The following MTMR2 variants were observed in gnomAD, a reference collection of about 807,000 sequenced individuals.
The protein encoded by MTMR2 is phosphatidylinositol-3,5-bisphosphate 3-phosphatase MTMR2.
Under a neutral mutation model 86.9 loss-of-function variants are expected in MTMR2, and 55 were observed. The observed-to-expected ratio is 0.63, with a 90% CI of 0.51 to 0.79. MTMR2 has a LOEUF of 0.79. Among genes scored for constraint, MTMR2 ranks in the 30% least tolerant of loss-of-function variants. The pLI, the probability that MTMR2 is intolerant of heterozygous loss-of-function variation, is 0.00. For synonymous variants in MTMR2, 241 were observed against 266.8 expected (o/e 0.90, Z 0.94); for missense variants, 659 against 772.3 (o/e 0.85, Z 1.74).
intron 13 of MTMR2, 41 bp downstream of exon 13, chr11:95,838,053 C>T (rs1863362505): frequency 8.4e-7 from 1 of 1,190,884 alleles, no homozygotes; most frequent in Non-Finnish European, 1.3e-6. Flanking sequence ...GAAAAGTATA[C>T]AGTAGAGATA....
At chr11:95,837,610 TAC>T (rs1863340736) in intron 13 of MTMR2, among the ~76,000 whole-genome samples, 1 of 152,050 alleles carries the variant, frequency 6.6e-6, no homozygotes, top group Non-Finnish European at 1.5e-5. Flanking sequence ...ACTTTCTACA[TAC>T]TATCTTTTCC....
intron 11 of MTMR2, among the ~76,000 whole-genome samples, chr11:95,844,169 GCTGA>G (rs1863669632): frequency 2.0e-5 from 3 of 152,136 alleles, no homozygotes; most frequent in South Asian, 2.1e-4. Context: ...TGCAGCTTTG[GCTGA>G]CTAAAACTTG....
rs1864083070 is a variant in MTMR2 at position 95,853,071 on chromosome 11, G to A, written c.655-2322C>T. 2.0e-5 allele frequency among the ~76,000 whole-genome samples: 3 copies of A among 148,578 alleles called. 1 individual carries two copies. The highest frequency in any genetic ancestry group is 7.4e-5 in the African/African-American group (3 of 40,636). On this transcript the variant is annotated intron_variant, in intron 7 of 14. Coordinates refer to ENST00000346299, the MANE Select transcript of MTMR2 (RefSeq NM_016156.6). ...TATATATATATATACACAGTTCACT[G>A]TACTTTTTATTATAGCACGTGAAAA...
chr11:95,921,683 T>C (rs1260818605), intron 1 of MTMR2, among the ~76,000 whole-genome samples: 1 of 152,222 alleles, frequency 6.6e-6, no homozygotes, highest in Non-Finnish European at 1.5e-5. Flanking sequence ...GCAGGGAAAC[T>C]TCCATACAGT....
chr11:95,919,673 C>T (rs1194740660), intron 1 of MTMR2, among the ~76,000 whole-genome samples: 1 of 152,106 alleles, frequency 6.6e-6, no homozygotes, highest in East Asian at 1.9e-4. Context: ...GTAAAATCAG[C>T]TCAAGATGTC....
At chr11:95,842,608 G>T (rs900770284) in intron 11 of MTMR2, among the ~76,000 whole-genome samples, 2 of 152,164 alleles carry the variant, frequency 1.3e-5, no homozygotes, top group Admixed American at 6.5e-5. Context: ...CCCCAAAGCA[G>T]GAATTCTAAA....
intron 3 of MTMR2, among the ~76,000 whole-genome samples, chr11:95,862,746 T>C (rs1757207853): frequency 6.6e-6 from 1 of 152,206 alleles, no homozygotes; most frequent in African/African-American, 2.4e-5. Flanking sequence ...CATCATCTCA[T>C]TGCAGTTTCT....
chr11:95,837,099 A>T (rs1221187875), intron 13 of MTMR2, among the ~76,000 whole-genome samples: 3 of 152,072 alleles, frequency 2.0e-5, no homozygotes, highest in East Asian at 3.8e-4. Flanking sequence ...TCTAATGAAC[A>T]TTCCTTAAGT....
intron 2 of MTMR2, among the ~76,000 whole-genome samples, chr11:95,885,945 A>AAC (rs909191813): frequency 2.6e-5 from 4 of 152,176 alleles, no homozygotes; most frequent in Non-Finnish European, 4.4e-5. Context: ...TCCTCCCCAA[A>AAC]ACACATAACC....
intron 2 of MTMR2, among the ~76,000 whole-genome samples, chr11:95,881,855 GAA>G (rs1865334265): frequency 1.3e-5 from 2 of 151,972 alleles, no homozygotes; most frequent in African/African-American, 4.8e-5. Context: ...GCATAATGCT[GAA>G]TAAAAGTAGC....
intron 1 of MTMR2, among the ~76,000 whole-genome samples, chr11:95,912,746 TA>T (rs1866557441): frequency 6.6e-6 from 1 of 151,972 alleles, no homozygotes; most frequent in Non-Finnish European, 1.5e-5. Flanking sequence ...ATAAATACAA[TA>T]AAATTATTTC....
chr11:95,847,681 GTCTT>G (rs1863848345), intron 10 of MTMR2, 29 bp downstream of exon 10: 2 of 1,558,128 alleles, frequency 1.3e-6, no homozygotes, highest in Non-Finnish European at 1.8e-6. Context: ...GGTAGAGAGA[GTCTT>G]TGTTTGGGAT....
chr11:95,907,995 C>G (rs1326395918), intron 1 of MTMR2: 2 of 249,578 alleles, frequency 8.0e-6, no homozygotes, highest in Non-Finnish European at 1.6e-5. Flanking sequence ...TAAGTCCTAG[C>G]AAGAGCAATC....
intron 3 of MTMR2, among the ~76,000 whole-genome samples, chr11:95,862,839 T>A (rs555105): frequency 4.6e-5 from 7 of 152,030 alleles, no homozygotes; most frequent in African/African-American, 1.7e-4. Context: ...TTCCACAAAC[T>A]CCTGATCTGA....
intron 9 of MTMR2, among the ~76,000 whole-genome samples, chr11:95,848,523 T>A (rs1309730963): frequency 6.6e-6 from 1 of 152,194 alleles, no homozygotes; most frequent in Non-Finnish European, 1.5e-5. Context: ...ATATTTGGTG[T>A]TCAAAATAAG....
chr11:95,896,867 C>A (rs1302436067), intron 1 of MTMR2, among the ~76,000 whole-genome samples: 2 of 144,088 alleles, frequency 1.4e-5, no homozygotes, highest in Admixed American at 7.0e-5. Context: ...ACAAACATTT[C>A]TTTTAAGAGG....
Position 95,847,833 on chromosome 11 carries a change from G to A in MTMR2, c.1060C>T (p.His354Tyr). ...GATTCTCTCATAACATGAATATTGTGGATATCCAGGAAAACTAGTTCAGCA... is the reference window on the plus strand; with the variant it reads ...GATTCTCTCATAACATGAATATTGTAGATATCCAGGAAAACTAGTTCAGCA... ...QNAELVFLDI[H>Y]NIHVMRESLR... Residue 354 changes from histidine to tyrosine, a missense_variant, in exon 10 of 15, where the codon CAC (histidine) becomes TAC (tyrosine). His to Tyr is a moderately conservative substitution (Grantham distance 83, BLOSUM62 2). Transcript: ENST00000346299. The A allele has an allele frequency of 6.2e-7, 1 of 1,613,580 alleles. No individual in the cohort carries two copies.
rs372937811 is a variant in MTMR2, at chr11:95,862,350, A to G, written c.279T>C (p.Tyr93=). 1.6e-4 allele frequency: 255 copies of G among 1,613,828 alleles called. 1 individual carries two copies. The highest frequency in any genetic ancestry group is 3.2e-4 in the Admixed American group (19 of 59,996). ...GTACAGCGCCAGTGAATGGACATAT[A>G]TAAGTTACATCTTTGGCTGAAAAAG... The part of the protein sequence containing the change: ...NIKDMAKDVT[Y]ICPFTGAVRG... The change falls in exon 4 of 15, where the codon TAT becomes TAC. Residue 93 remains tyrosine, a synonymous_variant. Coordinates refer to ENST00000346299, the MANE Select transcript of MTMR2 (RefSeq NM_016156.6).
At chr11:95,879,113 A>T (rs923285493) in intron 2 of MTMR2, among the ~76,000 whole-genome samples, 2 of 152,128 alleles carry the variant, frequency 1.3e-5, no homozygotes, top group Non-Finnish European at 2.9e-5. Flanking sequence ...ATAACATCCC[A>T]AGCAAGCAAG....
Sources: allele counts gnomAD v4.1 joint callset (sites outside exome capture counted in the v4.1 genomes callset), GRCh38; gene constraint gnomAD v4.1.1; transcripts MANE v1.5; gene names NCBI Gene and HGNC (gene_info 2026-07-23, HGNC 2026-07-21).